SLC35F3: variants seen among roughly 807,000 people sequenced by gnomAD.
SLC35F3 encodes the protein putative thiamine transporter SLC35F3.
A neutral mutation model predicts 49.9 loss-of-function variants in SLC35F3; 25 were observed. The ratio of observed to expected loss-of-function variants is 0.50; its 90% CI spans 0.37 to 0.70. The LOEUF (loss-of-function observed/expected upper bound fraction) is 0.70. Ranked by LOEUF, SLC35F3 falls within the 30% of genes least tolerant of loss-of-function variation. The probability of loss-of-function intolerance (pLI) is 0.00; values close to 1 mark genes in which losing one functional copy is unlikely to be tolerated. For missense variants in SLC35F3, 525 were observed against 639.8 expected (o/e 0.82, Z 1.94); for synonymous variants, 275 against 265.4 (o/e 1.04, Z -0.35).
intron 2 of SLC35F3, among the ~76,000 whole-genome samples, chr1:234,002,264 T>C (rs901981532): frequency 6.6e-6 from 1 of 152,218 alleles, no homozygotes; most frequent in Admixed American, 6.5e-5. Flanking sequence ...AGATGCACTA[T>C]TGTTAATGTA....
At chr1:234,274,482 A>G (rs1170083937) in intron 3 of SLC35F3, 1 of 152,218 alleles carries the variant, frequency 6.6e-6, no homozygotes, top group East Asian at 1.9e-4. Flanking sequence ...TTACAAAGAA[A>G]CTCGAGAAAT....
At chr1:233,961,391 C>G (rs1179570074) in intron 2 of SLC35F3, among the ~76,000 whole-genome samples, 1 of 151,074 alleles carries the variant, frequency 6.6e-6, no homozygotes, top group Admixed American at 6.6e-5. Flanking sequence ...AGAACACTTG[C>G]GTTTCCACCT....
chr1:234,079,148 A>G (rs1231438179), intron 2 of SLC35F3, among the ~76,000 whole-genome samples: 2 of 152,236 alleles, frequency 1.3e-5, no homozygotes, highest in Middle Eastern at 3.2e-3. Flanking sequence ...GAATAGAATG[A>G]CATAGTTCAG....
chr1:234,227,927 T>A (rs1017444917), intron 2 of SLC35F3, among the ~76,000 whole-genome samples: 2 of 152,222 alleles, frequency 1.3e-5, no homozygotes, highest in Admixed American at 6.5e-5. Flanking sequence ...TGATGTCAAG[T>A]GTGGGGTGCA....
chr1:234,034,071 C>T (rs1047058663), intron 2 of SLC35F3, among the ~76,000 whole-genome samples: 48 of 152,054 alleles, frequency 3.2e-4, no homozygotes, highest in African/African-American at 1.1e-3. Flanking sequence ...CATCTTTCAC[C>T]GCCTTGGTTA....
chr1:233,923,136 T>G (rs931781313), intron 2 of SLC35F3, among the ~76,000 whole-genome samples: 1 of 152,226 alleles, frequency 6.6e-6, no homozygotes, highest in African/African-American at 2.4e-5. Flanking sequence ...TGTGGGCTCT[T>G]TTTTGGTTCC....
At chr1:234,042,533 T>C (rs1572030099) in intron 2 of SLC35F3, among the ~76,000 whole-genome samples, 1 of 152,332 alleles carries the variant, frequency 6.6e-6, no homozygotes, top group East Asian at 1.9e-4. Flanking sequence ...TTCTTTTTTC[T>C]TTTGTTTTTT....
intron 6 of SLC35F3, 116 bp from the exon 7 acceptor site, chr1:234,319,982 A>G (rs767812446): frequency 1.6e-4 from 111 of 704,154 alleles, no homozygotes; most frequent in Admixed American, 1.0e-4. Flanking sequence ...GCAGAGGGTC[A>G]TTGTAACTCC....
At chr1:234,256,629 G>A (rs373292908) in intron 3 of SLC35F3, among the ~76,000 whole-genome samples, 1 of 152,288 alleles carries the variant, frequency 6.6e-6, no homozygotes, top group African/African-American at 2.4e-5. Context: ...GTGCATGAGG[G>A]TTTTTGTATC....
At chr1:233,953,849 A>G (rs1219677575) in intron 2 of SLC35F3, among the ~76,000 whole-genome samples, 1 of 152,188 alleles carries the variant, frequency 6.6e-6, no homozygotes, top group Admixed American at 6.5e-5. Flanking sequence ...TGCAGCATCA[A>G]AAAGGAAAAG....
chr1:234,083,999 G>A lies in SLC35F3; in HGVS notation c.284-147418G>A, dbSNP rs373844216. Among the ~76,000 whole-genome samples the A allele has an allele frequency of 3.8e-4, 57 of 151,938 alleles. 1 individual carries two copies. The South Asian group carries it at 9.2e-3, about 24-fold the overall frequency. On this transcript the variant is annotated intron_variant, in intron 2 of 7. Coordinates refer to ENST00000366618, the MANE Select transcript of SLC35F3 (RefSeq NM_173508.4). ...ATTACAGGCATATGTCACCATGCCC[G>A]GCTAATTTTTTGTATTCTTAGTAGA...
chr1:234,153,116 A>G (rs1216968443), intron 2 of SLC35F3, among the ~76,000 whole-genome samples: 1 of 152,216 alleles, frequency 6.6e-6, no homozygotes, highest in Non-Finnish European at 1.5e-5. Flanking sequence ...TCTAAAGGAC[A>G]TCCACTCTTA....
chr1:233,936,876 G>C (rs1287605579), intron 2 of SLC35F3, among the ~76,000 whole-genome samples: 3 of 152,100 alleles, frequency 2.0e-5, no homozygotes, highest in African/African-American at 7.2e-5. Flanking sequence ...ATGTTTTGTA[G>C]AGACGGGGCC....
At chr1:234,019,878 A>T in intron 2 of SLC35F3, among the ~76,000 whole-genome samples, 1 of 152,320 alleles carries the variant, frequency 6.6e-6, no homozygotes, top group East Asian at 1.9e-4. Context: ...TATGTTGCCT[A>T]GTTAACATTA....
At chr1:234,077,701 A>G (rs998451354) in intron 2 of SLC35F3, among the ~76,000 whole-genome samples, 1 of 152,160 alleles carries the variant, frequency 6.6e-6, no homozygotes, top group Non-Finnish European at 1.5e-5. Context: ...AGCTTTGGGC[A>G]GGCGGTGGGT....
At chr1:233,955,870 G>A (rs1205941274) in intron 2 of SLC35F3, among the ~76,000 whole-genome samples, 2 of 136,056 alleles carry the variant, frequency 1.5e-5, no homozygotes, top group African/African-American at 5.6e-5. Flanking sequence ...CAGAGGAGGT[G>A]TGGGTATCTT....
intron 2 of SLC35F3, among the ~76,000 whole-genome samples, chr1:233,917,876 T>TGGTG (rs1274008476): frequency 6.6e-6 from 1 of 152,230 alleles, no homozygotes; most frequent in Non-Finnish European, 1.5e-5. Flanking sequence ...CAAAATACCC[T>TGGTG]GGTGAATGTG....
At chr1:234,121,726 C>A (rs1003185553) in intron 2 of SLC35F3, among the ~76,000 whole-genome samples, 1 of 152,156 alleles carries the variant, frequency 6.6e-6, no homozygotes, top group African/African-American at 2.4e-5. Context: ...CTCCCACCCC[C>A]TGACAGGCCC....
chr1:234,123,379 T>A (rs1454128820), intron 2 of SLC35F3, among the ~76,000 whole-genome samples: 2 of 152,206 alleles, frequency 1.3e-5, no homozygotes, highest in East Asian at 3.8e-4. Flanking sequence ...GTATTGTGCA[T>A]CTGGGGCCAT....
Sources: gnomAD v4.1 joint callset for allele counts (sites outside exome capture counted in the v4.1 genomes callset) on GRCh38, gnomAD v4.1.1 for gene constraint, MANE v1.5 for transcripts, NCBI Gene and HGNC (gene_info 2026-07-23, HGNC 2026-07-21) for gene names.